ZNF410: variants seen among roughly 807,000 people sequenced by gnomAD.
The protein encoded by ZNF410 is another partner for ARF 1.
ZNF410 carries 18 observed loss-of-function variants against 54.8 expected under a neutral mutation model. The observed-to-expected ratio is 0.33, with a 90% CI of 0.23 to 0.49. The LOEUF is 0.49. Ranked by LOEUF, ZNF410 falls within the 20% of genes least tolerant of loss-of-function variation. The pLI is 0.99. For synonymous variants in ZNF410, 191 were observed against 207.3 expected (o/e 0.92, Z 0.68); for missense variants, 405 against 569.6 (o/e 0.71, Z 2.94).
At chr14:73,908,577 C>G (rs777504338) in intron 7 of ZNF410, among the ~76,000 whole-genome samples, 4 of 152,236 alleles carry the variant, frequency 2.6e-5, no homozygotes, top group Non-Finnish European at 4.4e-5. Context: ...TCCCAGAAAG[C>G]TCAGCTCCCA....
intron 8 of ZNF410, among the ~76,000 whole-genome samples, chr14:73,919,272 CAT>C (rs2055719633): frequency 6.6e-6 from 1 of 151,958 alleles, no homozygotes; most frequent in Non-Finnish European, 1.5e-5. Flanking sequence ...GCTGGGATTA[CAT>C]GTGTGAACCA....
chr14:73,926,092 G>T (rs1284829281), intron 11 of ZNF410, among the ~76,000 whole-genome samples: 1 of 152,090 alleles, frequency 6.6e-6, no homozygotes, highest in Non-Finnish European at 1.5e-5. Context: ...TCCTCCTTTT[G>T]TTGTTGTTGC....
At chr14:73,926,770 C>G (rs555934577) in intron 11 of ZNF410, among the ~76,000 whole-genome samples, 5 of 152,212 alleles carry the variant, frequency 3.3e-5, no homozygotes, top group African/African-American at 1.2e-4. Context: ...GATTTTCCCA[C>G]ATTCTGGTTT....
chr14:73,896,597 T>C (rs2055321719), intron 4 of ZNF410, 63 bp downstream of exon 4: 3 of 1,275,330 alleles, frequency 2.4e-6, no homozygotes, highest in Admixed American at 4.2e-5. Context: ...GTGGGGCATA[T>C]TTAACTTAGT....
At chr14:73,893,107 C>G (rs549583066) in intron 2 of ZNF410, among the ~76,000 whole-genome samples, 1 of 152,020 alleles carries the variant, frequency 6.6e-6, no homozygotes, top group East Asian at 1.9e-4. Flanking sequence ...TTAAATCTTA[C>G]TGGGTTAATG....
chr14:73,910,579 A>G (rs746692056), intron 8 of ZNF410, among the ~76,000 whole-genome samples: 1 of 152,044 alleles, frequency 6.6e-6, no homozygotes, highest in Non-Finnish European at 1.5e-5. Flanking sequence ...CCCTGCTGAG[A>G]TTAGCCTACT....
chr14:73,898,475 TTAAA>T (rs1357720191), intron 5 of ZNF410: 4 of 602,322 alleles, frequency 6.6e-6, no homozygotes, highest in Non-Finnish European at 1.2e-5. Flanking sequence ...ATTCTCAACT[TTAAA>T]TAATGTACAG....
rs985148251 is a variant in ZNF410, at chr14:73,900,158, A to C, written c.580+1896A>C. ...CAGTGAGTGGAGATCGCACCACTGC[A>C]CTCCAGCCTGGGCAACAAGAGCGAA... On this transcript the variant is annotated intron_variant, in intron 5 of 11. Coordinates refer to ENST00000555044, the MANE Select transcript of ZNF410 (RefSeq NM_021188.3). 2.6e-3 allele frequency among the ~76,000 whole-genome samples: 400 copies of C among 150,998 alleles called. 2 individuals carry two copies. The highest frequency in any genetic ancestry group is 9.3e-3 in the African/African-American group (381 of 41,138).
At chr14:73,915,222 A>T (rs2055645939) in intron 8 of ZNF410, among the ~76,000 whole-genome samples, 1 of 147,486 alleles carries the variant, frequency 6.8e-6, no homozygotes, top group Admixed American at 6.8e-5. Context: ...AGATCGCGCC[A>T]CTGCACTCTA....
intron 8 of ZNF410, chr14:73,913,311 C>A (rs2055613774): frequency 6.6e-6 from 1 of 152,174 alleles, no homozygotes; most frequent in South Asian, 2.1e-4. Flanking sequence ...AGCAAGCTCA[C>A]TTCAAGGACA....
At chr14:73,908,007 C>G (rs1210924268) in intron 7 of ZNF410, among the ~76,000 whole-genome samples, 2 of 152,158 alleles carry the variant, frequency 1.3e-5, no homozygotes, top group African/African-American at 2.4e-5. Context: ...TCAAAACACT[C>G]TTTTGAAATT....
intron 8 of ZNF410, among the ~76,000 whole-genome samples, chr14:73,911,247 T>C (rs1048016506): frequency 1.3e-5 from 2 of 152,094 alleles, no homozygotes; most frequent in African/African-American, 4.8e-5. Flanking sequence ...GAGCAGAGGC[T>C]TGCTGAGGAA....
chr14:73,896,717 A>G (rs1192020518), intron 4 of ZNF410, 183 bp downstream of exon 4: 2 of 599,154 alleles, frequency 3.3e-6, no homozygotes, highest in Non-Finnish European at 5.8e-6. Context: ...TATGACTCAT[A>G]TCTTGTTTGG....
At chr14:73,905,104 C>G in intron 7 of ZNF410, 21 bp downstream of exon 7, 2 of 1,606,412 alleles carry the variant, frequency 1.2e-6, no homozygotes, top group Non-Finnish European at 1.7e-6. Flanking sequence ...CACCAACATT[C>G]CTTTGGGCAG....
chr14:73,894,397 T>G (rs2055278219), intron 3 of ZNF410: 3 of 701,342 alleles, frequency 4.3e-6, no homozygotes, highest in Non-Finnish European at 5.2e-6. Flanking sequence ...AAAGTCAGGC[T>G]GCAGTGACTT....
At chr14:73,913,809 G>GTC (rs2055622627) in intron 8 of ZNF410, 1 of 109,812 alleles carries the variant, frequency 9.1e-6, no homozygotes, top group South Asian at 3.5e-4. Flanking sequence ...TAGAAATGGA[G>GTC]TCTTTGTGTT....
intron 11 of ZNF410, among the ~76,000 whole-genome samples, chr14:73,925,911 G>A (rs538036007): frequency 3.3e-5 from 5 of 152,286 alleles, no homozygotes. Flanking sequence ...GCATGTGCCT[G>A]TGGTCCCAAC....
chr14:73,887,603 C>G lies in ZNF410; in HGVS notation c.-150+688C>G, dbSNP rs115274369. Among the ~76,000 whole-genome samples the G allele has an allele frequency of 2.9e-3, 447 of 152,240 alleles. 1 individual carries two copies. The highest frequency in any genetic ancestry group is 0.01 in the African/African-American group (416 of 41,526). Reference sequence around the variant, plus strand: ...CCATTTGGAAGTTAAATATTATTAACTTGGGACTTAAGAATTAGTACTTAG... The same window carrying G: ...CCATTTGGAAGTTAAATATTATTAAGTTGGGACTTAAGAATTAGTACTTAG... On this transcript the variant is annotated intron_variant, in intron 1 of 11. Coordinates refer to ENST00000555044, the MANE Select transcript of ZNF410 (RefSeq NM_021188.3).
Position 73,891,375 on chromosome 14 carries a change from A to G in ZNF410, c.-149-652A>G, listed in dbSNP as rs201408217. Among the ~76,000 whole-genome samples the G allele has an allele frequency of 3.9e-5, 6 of 152,138 alleles. No individual in the cohort carries two copies. The East Asian group carries it at 1.2e-3, about 29-fold the overall frequency. ...TTTGTTTGTTGGTTTGTTTTTTGAG[A>G]TAGAGTCTTGCTCTGTCGCCCAGGC... is the stretch of plus-strand genomic sequence containing the variant. On this transcript the variant is annotated intron_variant, in intron 1 of 11. Transcript: ENST00000555044.
Sources: allele counts gnomAD v4.1 joint callset (sites outside exome capture counted in the v4.1 genomes callset), GRCh38; gene constraint gnomAD v4.1.1; transcripts MANE v1.5; gene names NCBI Gene and HGNC (gene_info 2026-07-23, HGNC 2026-07-21).